Variants in RAP1GDS1 observed in about 807,000 individuals in gnomAD.
RAP1GDS1 encodes the protein Rap1 GTPase-GDP dissociation stimulator 1.
In RAP1GDS1, 35 loss-of-function variants were observed where a neutral mutation model predicts 71.1. The observed-to-expected ratio is 0.49, with a 90% confidence interval of 0.38 to 0.65. RAP1GDS1 has a LOEUF of 0.65. Among genes scored for constraint, RAP1GDS1 ranks in the 30% least tolerant of loss-of-function variants. RAP1GDS1 has a pLI of 0.00. For synonymous variants in RAP1GDS1, 229 were observed against 243.1 expected (o/e 0.94, Z 0.54); for missense variants, 663 against 706.1 (o/e 0.94, Z 0.69).
At chr4:98,441,806 T>A in intron 14 of RAP1GDS1, 184 bp from the exon 15 acceptor site, 1 of 566,372 alleles carries the variant, frequency 1.8e-6, no homozygotes, top group Non-Finnish European at 2.2e-6. Flanking sequence ...GTAAAGTTTT[T>A]ATGATTTTTT....
intron 6 of RAP1GDS1, chr4:98,396,390 G>A (rs1744553860): frequency 6.6e-6 from 1 of 152,178 alleles, no homozygotes; most frequent in South Asian, 2.1e-4. Flanking sequence ...TGTCTACCTT[G>A]CTGATTTCTC....
chr4:98,338,690 A>G (rs191226359), intron 2 of RAP1GDS1, among the ~76,000 whole-genome samples: 6 of 152,252 alleles, frequency 3.9e-5, no homozygotes, highest in Admixed American at 3.9e-4. Context: ...GTTTTTTATT[A>G]CTCTAAAGCT....
chr4:98,403,982 G>A (rs866906026), intron 6 of RAP1GDS1, among the ~76,000 whole-genome samples: 1 of 152,146 alleles, frequency 6.6e-6, no homozygotes, highest in Non-Finnish European at 1.5e-5. Context: ...AAATACCAAA[G>A]TATATATAAA....
intron 4 of RAP1GDS1, among the ~76,000 whole-genome samples, chr4:98,374,801 G>T (rs946932195): frequency 3.3e-5 from 5 of 152,078 alleles, no homozygotes; most frequent in Non-Finnish European, 5.9e-5. Context: ...TAGTGTTCTT[G>T]CTTTGACTTC....
chr4:98,314,108 G>A (rs939375317), intron 2 of RAP1GDS1, among the ~76,000 whole-genome samples: 11 of 152,162 alleles, frequency 7.2e-5, no homozygotes, highest in Non-Finnish European at 1.5e-4. Flanking sequence ...TATTTGGCTC[G>A]TAATAACTTA....
intron 3 of RAP1GDS1, among the ~76,000 whole-genome samples, chr4:98,349,389 G>C (rs1048820044): frequency 1.4e-4 from 22 of 152,288 alleles, no homozygotes; most frequent in African/African-American, 4.6e-4. Flanking sequence ...ATAGTTTGAA[G>C]TCAGGTAGTG....
chr4:98,370,802 C>G (rs1413423644), intron 4 of RAP1GDS1, among the ~76,000 whole-genome samples: 1 of 151,954 alleles, frequency 6.6e-6, no homozygotes, highest in African/African-American at 2.4e-5. Context: ...AACTCCTGAC[C>G]TCAGGTAATC....
Position 98,363,478 on chromosome 4 carries a change from C to CAAAAAAAAAAAAAAAAAA in RAP1GDS1, c.361+10887_361+10904dup, listed in dbSNP as rs34393905. Reference sequence around the variant, plus strand: ...CCTAAATAACAGTGAGACCCTGTCTCAAAAAAAAAAAAAAAAAAAAAAAAA... The same window carrying CAAAAAAAAAAAAAAAAAA: ...CCTAAATAACAGTGAGACCCTGTCTCAAAAAAAAAAAAAAAAAAAAAAAAAAAAAAAAAAAAAAAAAAA... On this transcript the variant is annotated intron_variant, in intron 4 of 14. Transcript: ENST00000408927. 8.0e-4 allele frequency among the ~76,000 whole-genome samples: 30 copies of CAAAAAAAAAAAAAAAAAA among 37,730 alleles called. 5 individuals are homozygous for CAAAAAAAAAAAAAAAAAA. The highest frequency in any genetic ancestry group is 2.8e-3 in the African/African-American group (28 of 10,116). The allele number at this position is 37,730 out of a possible 152,430, so 24.8% of individuals were successfully genotyped here.
At chr4:98,374,815 C>G (rs1034310852) in intron 4 of RAP1GDS1, among the ~76,000 whole-genome samples, 6 of 152,064 alleles carry the variant, frequency 3.9e-5, no homozygotes, top group African/African-American at 1.2e-4. Context: ...TGACTTCAGG[C>G]TTGGACCCGT....
At chr4:98,435,694 AT>A (rs539224374) in intron 13 of RAP1GDS1, among the ~76,000 whole-genome samples, 43 of 148,818 alleles carry the variant, frequency 2.9e-4, no homozygotes, top group South Asian at 8.5e-4. Flanking sequence ...TCTTTTAACC[AT>A]TTTTTTTTTG....
At chr4:98,388,377 T>C (rs1045111681) in intron 5 of RAP1GDS1, among the ~76,000 whole-genome samples, 3 of 152,160 alleles carry the variant, frequency 2.0e-5, no homozygotes, top group African/African-American at 4.8e-5. Flanking sequence ...AAGCACATCA[T>C]TGAACTTCAG....
intron 10 of RAP1GDS1, 50 bp downstream of exon 10, chr4:98,418,841 T>C: frequency 2.7e-6 from 4 of 1,488,386 alleles, no homozygotes; most frequent in Non-Finnish European, 3.6e-6. Context: ...AATCCATCAT[T>C]TGGGGAAGCT....
chr4:98,283,799 C>G (rs1220903100), intron 1 of RAP1GDS1, among the ~76,000 whole-genome samples: 1 of 150,198 alleles, frequency 6.7e-6, no homozygotes, highest in Non-Finnish European at 1.5e-5. Flanking sequence ...AGACTGCTTC[C>G]TGGTACATTT....
intron 1 of RAP1GDS1, among the ~76,000 whole-genome samples, chr4:98,277,863 T>C (rs1724462639): frequency 6.6e-6 from 1 of 152,220 alleles, no homozygotes; most frequent in Non-Finnish European, 1.5e-5. Flanking sequence ...AAATATACCA[T>C]GTAGATGGAT....
chr4:98,288,569 G>A (rs908229485), intron 1 of RAP1GDS1, among the ~76,000 whole-genome samples: 4 of 152,094 alleles, frequency 2.6e-5, no homozygotes, highest in Non-Finnish European at 4.4e-5. Context: ...GCTGGGTCAA[G>A]TGGTATTTCT....
At chr4:98,324,854 A>C (rs1015498844) in intron 2 of RAP1GDS1, among the ~76,000 whole-genome samples, 2 of 151,250 alleles carry the variant, frequency 1.3e-5, no homozygotes, top group African/African-American at 4.9e-5. Context: ...TCAGTACATA[A>C]GCGTGGGCAA....
chr4:98,335,728 G>A (rs111751882), intron 2 of RAP1GDS1, among the ~76,000 whole-genome samples: 1,765 of 150,398 alleles, frequency 0.012, 32 homozygotes, highest in African/African-American at 0.04. Flanking sequence ...AGATGATACT[G>A]TGAGCCACTT....
At chr4:98,334,005 A>G (rs908534957) in intron 2 of RAP1GDS1, among the ~76,000 whole-genome samples, 3 of 152,182 alleles carry the variant, frequency 2.0e-5, no homozygotes, top group African/African-American at 7.2e-5. Context: ...GCAAAAATGT[A>G]TGCTGATAAT....
chr4:98,302,856 G>T (rs542297832), intron 2 of RAP1GDS1, among the ~76,000 whole-genome samples: 10 of 152,230 alleles, frequency 6.6e-5, no homozygotes, highest in African/African-American at 1.9e-4. Flanking sequence ...GACCAGCCTG[G>T]CCAATATGGC....
Sources: gnomAD v4.1 joint callset for allele counts (sites outside exome capture counted in the v4.1 genomes callset) on GRCh38, gnomAD v4.1.1 for gene constraint, MANE v1.5 for transcripts, NCBI Gene and HGNC (gene_info 2026-07-23, HGNC 2026-07-21) for gene names.